The following ADGRL3 variants were observed in gnomAD, a reference collection of about 807,000 sequenced individuals.
ADGRL3 encodes calcium-independent alpha-latrotoxin receptor 3.
A neutral mutation model predicts 153.5 loss-of-function variants in ADGRL3; 62 were observed. The observed-to-expected ratio is 0.40, with a 90% CI of 0.33 to 0.50. ADGRL3 has a LOEUF of 0.50. ADGRL3 is among the 20% of genes least tolerant of loss of function. The probability of loss-of-function intolerance (pLI) is 0.47; values close to 1 mark genes in which losing one functional copy is unlikely to be tolerated. For missense variants in ADGRL3, 1,641 were observed against 1,859.4 expected, an observed-to-expected ratio of 0.88 and a Z score of 2.16; for synonymous variants, 710 against 672.5, an observed-to-expected ratio of 1.06 and a Z score of -0.86.
At chr4:61,764,832 G>T (rs993349781) in intron 8 of ADGRL3, among the ~76,000 whole-genome samples, 3 of 151,786 alleles carry the variant, frequency 2.0e-5, no homozygotes, top group African/African-American at 4.8e-5. Context: ...ATTAGGGGCG[G>T]CGTGGGAACC....
chr4:61,510,810 G>C (rs1425670962), intron 3 of ADGRL3, among the ~76,000 whole-genome samples: 1 of 152,104 alleles, frequency 6.6e-6, no homozygotes, highest in African/African-American at 2.4e-5. Context: ...GACATTGATA[G>C]TTTGGTAGGA....
intron 2 of ADGRL3, among the ~76,000 whole-genome samples, chr4:61,406,076 T>C (rs967230811): frequency 3.3e-5 from 5 of 152,008 alleles, no homozygotes; most frequent in African/African-American, 1.2e-4. Context: ...TTAACACTTA[T>C]TGAGAGCGCC....
intron 5 of ADGRL3, among the ~76,000 whole-genome samples, chr4:61,641,486 T>A (rs2093669742): frequency 7.4e-6 from 1 of 134,876 alleles, no homozygotes; most frequent in Non-Finnish European, 1.5e-5. Flanking sequence ...CCTTCCTGTG[T>A]CCATGTGTTC....
intron 4 of ADGRL3, among the ~76,000 whole-genome samples, chr4:61,536,261 C>G (rs932248056): frequency 1.3e-5 from 2 of 151,934 alleles, no homozygotes; most frequent in Non-Finnish European, 2.9e-5. Flanking sequence ...GATATTATTT[C>G]AATTCTTTCG....
intron 4 of ADGRL3, among the ~76,000 whole-genome samples, chr4:61,577,459 A>T (rs1229678134): frequency 6.6e-6 from 1 of 152,074 alleles, no homozygotes; most frequent in Non-Finnish European, 1.5e-5. Flanking sequence ...TAAGAATAAC[A>T]TAAACTTTGT....
At chr4:61,456,483 A>C (rs1187117868) in intron 2 of ADGRL3, among the ~76,000 whole-genome samples, 4 of 130,512 alleles carry the variant, frequency 3.1e-5, no homozygotes, top group Admixed American at 9.2e-5. Context: ...ATATCTATAT[A>C]TATAGATATA....
chr4:61,714,543 C>A (rs2096069424), intron 6 of ADGRL3, among the ~76,000 whole-genome samples: 1 of 152,194 alleles, frequency 6.6e-6, no homozygotes, highest in Non-Finnish European at 1.5e-5. Context: ...TTTACACATT[C>A]TTCCCTAAGA....
At chr4:61,468,882 A>C (rs555482054) in intron 2 of ADGRL3, among the ~76,000 whole-genome samples, 1 of 152,126 alleles carries the variant, frequency 6.6e-6, no homozygotes, top group Non-Finnish European at 1.5e-5. Context: ...CCATTTCTCA[A>C]GTAACAGGGA....
intron 2 of ADGRL3, among the ~76,000 whole-genome samples, chr4:61,424,415 C>T (rs1189034578): frequency 2.0e-5 from 3 of 152,068 alleles, no homozygotes; most frequent in Non-Finnish European, 4.4e-5. Flanking sequence ...GACCCATAGG[C>T]CACAGCAGTA....
chr4:61,421,059 C>T (rs1311020402), intron 2 of ADGRL3, among the ~76,000 whole-genome samples: 2 of 151,954 alleles, frequency 1.3e-5, no homozygotes, highest in Admixed American at 6.6e-5. Flanking sequence ...ACCTGTAATC[C>T]CAGCACTTTG....
chr4:61,881,073 T>C (rs1030369767), intron 9 of ADGRL3, among the ~76,000 whole-genome samples: 2 of 152,158 alleles, frequency 1.3e-5, no homozygotes, highest in Non-Finnish European at 2.9e-5. Context: ...GAAAAATCAA[T>C]ACTAAAATTT....
At chr4:61,775,821 G>A (rs189526941) in intron 8 of ADGRL3, 4 of 618,424 alleles carry the variant, frequency 6.5e-6, no homozygotes, top group Admixed American at 4.1e-5. Flanking sequence ...CGTCCATTAC[G>A]CTTCCAGCAG....
intron 8 of ADGRL3, among the ~76,000 whole-genome samples, chr4:61,750,641 T>G (rs372668469): frequency 1.6e-4 from 24 of 151,824 alleles, no homozygotes; most frequent in African/African-American, 5.6e-4. Flanking sequence ...AATACAAAAT[T>G]TAGCCGGGCG....
chr4:61,818,312 T>C (rs1480742316), intron 9 of ADGRL3, among the ~76,000 whole-genome samples: 2 of 152,160 alleles, frequency 1.3e-5, no homozygotes, highest in South Asian at 4.2e-4. Flanking sequence ...TTTGCCTCCA[T>C]GTCTCACATC....
chr4:61,726,018 C>T (rs974254654), intron 6 of ADGRL3, among the ~76,000 whole-genome samples: 1 of 151,972 alleles, frequency 6.6e-6, no homozygotes, highest in Non-Finnish European at 1.5e-5. Context: ...TTATAAAATG[C>T]TGTTCATATA....
intron 15 of ADGRL3, among the ~76,000 whole-genome samples, chr4:61,938,055 C>A (rs1490885666): frequency 6.6e-6 from 1 of 152,040 alleles, no homozygotes; most frequent in African/African-American, 2.4e-5. Flanking sequence ...TCACACCCAG[C>A]CTGTTTTTGT....
At chr4:61,667,014 T>G (rs1193111229) in intron 5 of ADGRL3, among the ~76,000 whole-genome samples, 1 of 152,194 alleles carries the variant, frequency 6.6e-6, no homozygotes, top group African/African-American at 2.4e-5. Context: ...GCAATGTATG[T>G]GAACTTGTTA....
At chr4:62,060,519 A>G (rs898417805) in intron 25 of ADGRL3, among the ~76,000 whole-genome samples, 3 of 151,984 alleles carry the variant, frequency 2.0e-5, no homozygotes, top group African/African-American at 7.2e-5. Context: ...TTAAATGCTT[A>G]TTTAGAATGA....
intron 1 of ADGRL3, among the ~76,000 whole-genome samples, chr4:61,257,908 A>G (rs1006954986): frequency 1.3e-5 from 2 of 152,038 alleles, no homozygotes; most frequent in African/African-American, 4.8e-5. Flanking sequence ...GGAAGGAGGC[A>G]CAGCAGTTTT....
Sources: gnomAD v4.1 joint callset for allele counts (sites outside exome capture counted in the v4.1 genomes callset) on GRCh38, gnomAD v4.1.1 for gene constraint, MANE v1.5 for transcripts, NCBI Gene and HGNC (gene_info 2026-07-23, HGNC 2026-07-21) for gene names.